The following SLC8A1 variants were observed in gnomAD, a reference collection of about 807,000 sequenced individuals.
SLC8A1 encodes solute carrier family 8 member A1.
SLC8A1 carries 18 observed loss-of-function variants against 68.3 expected under a neutral mutation model. The observed-to-expected ratio is 0.26, with a 90% CI of 0.18 to 0.39. The LOEUF is 0.39. SLC8A1 is among the 10% of genes least tolerant of loss of function. The pLI is 1.00. For missense variants in SLC8A1, 985 were observed against 1,156.7 expected (o/e 0.85, Z 2.15); for synonymous variants, 475 against 415.5 (o/e 1.14, Z -1.74).
At chr2:40,492,605 G>A (rs571218831) in intron 1 of SLC8A1, among the ~76,000 whole-genome samples, 1,588 of 149,512 alleles carry the variant, frequency 0.011, 22 homozygotes, top group African/African-American at 0.036. Context: ...TCTGACAAAG[G>A]GCTAATATCC....
At chr2:40,237,890 G>T (rs953515972) in intron 2 of SLC8A1, among the ~76,000 whole-genome samples, 6 of 152,058 alleles carry the variant, frequency 3.9e-5, no homozygotes, top group Non-Finnish European at 7.4e-5. Flanking sequence ...TGCCCCTGCT[G>T]GGGGGTGCCT....
Position 40,164,993 on chromosome 2 carries a change from C to A in SLC8A1, c.1931-9G>T, listed in dbSNP as rs201849439. On this transcript the variant is annotated splice_polypyrimidine_tract_variant and intron_variant, in intron 4 of 7. Transcript: ENST00000406785. ...CTTGTCATCATATTCGTCTGTGAAA[C>A]GGAAGTATCAGAGAGTGAGCACTGT... is the stretch of plus-strand genomic sequence containing the variant. 1 of 1,613,460 alleles carries A rather than the reference C, an allele frequency of 6.2e-7. No individual in the cohort carries two copies.
intron 1 of SLC8A1, among the ~76,000 whole-genome samples, chr2:40,501,677 C>T (rs552203914): frequency 2.1e-4 from 32 of 152,220 alleles, no homozygotes; most frequent in Middle Eastern, 3.4e-3. Flanking sequence ...CTTTCATGTA[C>T]TTCAATGTGT....
At chr2:40,157,556 T>A (rs1428568) in intron 6 of SLC8A1, among the ~76,000 whole-genome samples, 57,042 of 152,110 alleles carry the variant, frequency 0.38, 12,163 homozygotes, top group Middle Eastern at 0.52. Flanking sequence ...CCCTCTTCTC[T>A]GACACACTTG....
chr2:40,399,922 T>G (rs1487659102), intron 2 of SLC8A1, among the ~76,000 whole-genome samples: 1 of 152,182 alleles, frequency 6.6e-6, no homozygotes, highest in Admixed American at 6.5e-5. Context: ...CGCCACACCC[T>G]GGGCCTGGTC....
chr2:40,100,030 A>G (rs1233639349), exon 8 of SLC8A1: 1 of 152,118 alleles, frequency 6.6e-6, no homozygotes, highest in Non-Finnish European at 1.5e-5. Flanking sequence ...AACCCAGGCA[A>G]GTCCTGTTGT....
chr2:40,381,062 G>C (rs911184215), intron 2 of SLC8A1, among the ~76,000 whole-genome samples: 2 of 151,982 alleles, frequency 1.3e-5, no homozygotes, highest in African/African-American at 4.8e-5. Flanking sequence ...ATTTCCTATA[G>C]CAGAATGTGA....
In SLC8A1 at chr2:40,496,392, T is replaced by C. The variant is rs181613114; in HGVS notation, c.-25+15957A>G. ...GAACTATCTGAAAAGACAGCATGGC[T>C]GTATGGCACGTATTTCAAACAGTTG... is the stretch of plus-strand genomic sequence containing the variant. On this transcript the variant is annotated intron_variant, in intron 1 of 7. Transcript: ENST00000402441. 3.8e-3 allele frequency among the ~76,000 whole-genome samples: 585 copies of C among 152,232 alleles called. 4 individuals are homozygous for C. Among genetic ancestry groups the C allele is most frequent in the Non-Finnish European group, 6.5e-3 (439 of 68,002 alleles).
At chr2:40,316,340 T>G (rs2074443939) in intron 2 of SLC8A1, among the ~76,000 whole-genome samples, 1 of 151,922 alleles carries the variant, frequency 6.6e-6, no homozygotes, top group Non-Finnish European at 1.5e-5. Context: ...TTTTACTACC[T>G]CCAAAAAGCA....
chr2:40,163,279 A>G (rs2045994457), intron 5 of SLC8A1, among the ~76,000 whole-genome samples: 1 of 152,180 alleles, frequency 6.6e-6, no homozygotes, highest in South Asian at 2.1e-4. Flanking sequence ...ATGGGAAGTT[A>G]CTATGATTGC....
chr2:40,459,286 G>C (rs552187498), intron 1 of SLC8A1, among the ~76,000 whole-genome samples: 36 of 152,344 alleles, frequency 2.4e-4, no homozygotes, highest in African/African-American at 8.4e-4. Context: ...CAGTTCTGCA[G>C]AGACTTGAAT....
intron 7 of SLC8A1, among the ~76,000 whole-genome samples, chr2:40,135,404 GACAC>G (rs1002611054): frequency 1.1e-3 from 172 of 152,104 alleles, no homozygotes; most frequent in African/African-American, 3.9e-3. Context: ...GCTCAAACAA[GACAC>G]ACTTTATAGG....
At chr2:40,265,511 G>A (rs2065253164) in intron 2 of SLC8A1, among the ~76,000 whole-genome samples, 2 of 152,104 alleles carry the variant, frequency 1.3e-5, no homozygotes, top group Admixed American at 6.6e-5. Flanking sequence ...GGTAGAGGTG[G>A]GCAGATAATA....
chr2:40,287,921 G>A (rs937471647), intron 2 of SLC8A1, among the ~76,000 whole-genome samples: 1 of 152,046 alleles, frequency 6.6e-6, no homozygotes, highest in African/African-American at 2.4e-5. Context: ...GGAAGAACAC[G>A]CACGTTATGA....
chr2:40,205,070 C>T (rs998804609), intron 2 of SLC8A1, among the ~76,000 whole-genome samples: 4 of 151,914 alleles, frequency 2.6e-5, no homozygotes, highest in Non-Finnish European at 4.4e-5. Flanking sequence ...CTGAATTAAC[C>T]TGAAGATGAA....
chr2:40,212,581 C>T (rs773638980), intron 2 of SLC8A1, among the ~76,000 whole-genome samples: 6 of 152,100 alleles, frequency 3.9e-5, no homozygotes, highest in African/African-American at 1.4e-4. Context: ...CCATGCCTGG[C>T]CGAGATGCAA....
intron 1 of SLC8A1, among the ~76,000 whole-genome samples, chr2:40,463,865 C>T (rs1460522052): frequency 2.0e-5 from 3 of 146,906 alleles, no homozygotes; most frequent in African/African-American, 7.6e-5. Flanking sequence ...CACACACACA[C>T]ACACACACAC....
At chr2:40,489,073 C>T (rs1284741425) in intron 1 of SLC8A1, among the ~76,000 whole-genome samples, 3 of 152,164 alleles carry the variant, frequency 2.0e-5, no homozygotes. Context: ...ACAGCATTAA[C>T]TACTTTACCA....
intron 2 of SLC8A1, among the ~76,000 whole-genome samples, chr2:40,374,543 T>G (rs916498354): frequency 1.3e-4 from 20 of 152,036 alleles, no homozygotes; most frequent in African/African-American, 4.6e-4. Context: ...CAAGGGAAAT[T>G]AACCTGCCCC....
Sources: allele counts gnomAD v4.1 joint callset (sites outside exome capture counted in the v4.1 genomes callset), GRCh38; gene constraint gnomAD v4.1.1; transcripts MANE v1.5; gene names NCBI Gene and HGNC (gene_info 2026-07-23, HGNC 2026-07-21).